Variants in IYD observed in about 807,000 individuals in gnomAD.
IYD encodes the protein iodotyrosine deiodinase, also known as iodotyrosine deiodinase 1.
A neutral mutation model predicts 28.4 loss-of-function variants in IYD; 25 were observed. The ratio of observed to expected loss-of-function variants is 0.88; its 90% CI spans 0.64 to 1.23. The LOEUF (loss-of-function observed/expected upper bound fraction) is 1.23, where lower values mean the gene tolerates loss of function less well. IYD is among the 50% of genes most tolerant of loss of function. IYD has a pLI of 0.00. For synonymous variants in IYD, 140 were observed against 130.8 expected (o/e 1.07, Z -0.48); for missense variants, 352 against 357.9 (o/e 0.98, Z 0.13).
At chr6:150,375,247 G>A (rs1294842047) in intron 1 of IYD, among the ~76,000 whole-genome samples, 1 of 152,318 alleles carries the variant, frequency 6.6e-6, no homozygotes, top group East Asian at 1.9e-4. Context: ...ATTTCCCTGA[G>A]GAGTTTGGAG....
chr6:150,397,578 AACAAAAAAC>A (rs891120967), intron 4 of IYD, among the ~76,000 whole-genome samples: 35 of 126,048 alleles, frequency 2.8e-4, no homozygotes, highest in African/African-American at 9.9e-4. Flanking sequence ...TCAAAAAAAA[AACAAAAAAC>A]AAAACCGAAT....
chr6:150,377,347 G>A (rs554468025), intron 1 of IYD, among the ~76,000 whole-genome samples: 1 of 152,162 alleles, frequency 6.6e-6, no homozygotes, highest in African/African-American at 2.4e-5. Context: ...CACATTCCTC[G>A]GGAGCAGTCA....
intron 1 of IYD, among the ~76,000 whole-genome samples, chr6:150,383,206 A>G (rs977263687): frequency 2.6e-5 from 4 of 152,146 alleles, no homozygotes; most frequent in African/African-American, 9.7e-5. Flanking sequence ...CTGCAAGCAC[A>G]TATCAGGGCT....
At chr6:150,383,689 G>T (rs966177757) in intron 1 of IYD, among the ~76,000 whole-genome samples, 1 of 151,252 alleles carries the variant, frequency 6.6e-6, no homozygotes, top group East Asian at 1.9e-4. Context: ...ATGGTCGGGT[G>T]CAGTGGCTCA....
chr6:150,369,695 T>G lies in IYD; in HGVS notation c.178+486T>G, dbSNP rs138960707. ...CAGTTCAGCTGCCAAGATGATACAC[T>G]AGAATCAGAGAGAGTAACAAAGAGA... On this transcript the variant is annotated intron_variant, in intron 1 of 4. Transcript: ENST00000344419. Among the ~76,000 whole-genome samples, 364 of 152,272 alleles carry G rather than the reference T, an allele frequency of 2.4e-3. 1 individual carries two copies. The highest frequency in any genetic ancestry group is 7.9e-3 in the African/African-American group (330 of 41,546).
At chr6:150,396,717 A>G (rs746786291) in intron 4 of IYD, 3 of 278,308 alleles carry the variant, frequency 1.1e-5, no homozygotes, top group Non-Finnish European at 2.0e-5. Flanking sequence ...TACTAAAAAT[A>G]CAAAAAATGA....
intron 1 of IYD, among the ~76,000 whole-genome samples, chr6:150,373,869 T>C (rs1191320557): frequency 6.6e-6 from 1 of 152,224 alleles, no homozygotes; most frequent in Non-Finnish European, 1.5e-5. Context: ...TTCACATGGC[T>C]AATTTAAGAG....
intron 1 of IYD, among the ~76,000 whole-genome samples, chr6:150,378,250 A>G (rs1329285311): frequency 1.3e-5 from 2 of 150,220 alleles, no homozygotes; most frequent in South Asian, 2.1e-4. Context: ...ACATATGTAT[A>G]CATGTGCCAT....
At chr6:150,380,974 C>T (rs694326) in intron 1 of IYD, among the ~76,000 whole-genome samples, 61,574 of 152,012 alleles carry the variant, frequency 0.41, 13,873 homozygotes, top group Non-Finnish European at 0.52. Flanking sequence ...AATCCAGGGA[C>T]ATGGCAGCAC....
chr6:150,396,711 A>G (rs1309248030), intron 4 of IYD: 44 of 274,786 alleles, frequency 1.6e-4, no homozygotes, highest in Non-Finnish European at 1.3e-4. Flanking sequence ...GGCCTTTACT[A>G]AAAATACAAA....
intron 4 of IYD, among the ~76,000 whole-genome samples, chr6:150,397,639 A>G (rs1313033437): frequency 6.6e-6 from 1 of 151,416 alleles, no homozygotes; most frequent in Non-Finnish European, 1.5e-5. Context: ...TTGGGCTAGG[A>G]CACTGCTTTG....
In IYD at chr6:150,401,078, GTAAAA is replaced by G. The variant is rs1328519717; in HGVS notation, c.*2843_*2847del. ...GAGAGTGTGAGCGAGAACTAACATG[GTAAAA>G]TGTTAGGTGGAGCATATACAGTTCT... On this transcript the variant is annotated 3_prime_UTR_variant, in exon 5 of 5. Coordinates refer to ENST00000344419, the MANE Select transcript of IYD (RefSeq NM_203395.3). 6.6e-6 allele frequency: 1 copy of G among 152,140 alleles called. No individual in the cohort carries two copies. The highest frequency in any genetic ancestry group is 2.4e-5 in the African/African-American group (1 of 41,424). The allele number at this position is 152,140 out of a possible 1,614,324, so 9.4% of individuals were successfully genotyped here. A position where few individuals can be genotyped will look rare whatever the true frequency, so the allele number is the denominator to read the frequency against.
chr6:150,398,312 G>A lies in IYD; in HGVS notation c.*75G>A, dbSNP rs1778403359. ...TGAGCCTCTCGCCTGCTCCTCTTGG[G>A]TCTCTTGGCTGCTCTTTCTCCAGGT... On this transcript the variant is annotated 3_prime_UTR_variant, in exon 5 of 5. Coordinates refer to ENST00000344419, the MANE Select transcript of IYD (RefSeq NM_203395.3). 2.8e-6 allele frequency: 4 copies of A among 1,443,524 alleles called. No individual in the cohort carries two copies. Among genetic ancestry groups the A allele is most frequent in the Non-Finnish European group, 3.9e-6 (4 of 1,029,874 alleles). 89.4% of individuals were successfully genotyped at this position (1,443,524 alleles called of 1,614,324 possible). A position where few individuals can be genotyped will look rare whatever the true frequency, so the allele number is the denominator to read the frequency against.
At chr6:150,395,101 C>T (rs1212921615) in intron 4 of IYD, among the ~76,000 whole-genome samples, 10 of 152,154 alleles carry the variant, frequency 6.6e-5, no homozygotes, top group Admixed American at 1.3e-4. Context: ...GGATTACAGG[C>T]GTAAGCCACC....
rs142051302 is a variant in IYD at position 150,404,270 on chromosome 6, T to C, written c.*6033T>C. ...ATGCAATAATTCAAATCCATAATATTGATACTTTCATGTTAAGTTTAGGAC... is the reference window on the plus strand; with the variant it reads ...ATGCAATAATTCAAATCCATAATATCGATACTTTCATGTTAAGTTTAGGAC... On this transcript the variant is annotated 3_prime_UTR_variant, in exon 5 of 5. Transcript: ENST00000344419. 3.5e-4 allele frequency: 53 copies of C among 152,350 alleles called. No individual in the cohort carries two copies. Among genetic ancestry groups the C allele is most frequent in the African/African-American group, 1.3e-3 (53 of 41,586 alleles). 9.4% of individuals were successfully genotyped at this position (152,350 alleles called of 1,614,324 possible). A position where few individuals can be genotyped will look rare whatever the true frequency, so the allele number is the denominator to read the frequency against.
intron 1 of IYD, among the ~76,000 whole-genome samples, chr6:150,376,756 G>T (rs912909389): frequency 2.0e-5 from 3 of 152,072 alleles, no homozygotes; most frequent in Admixed American, 2.0e-4. Flanking sequence ...CTCTTGAGTA[G>T]CTAGGACTAC....
intron 1 of IYD, among the ~76,000 whole-genome samples, chr6:150,386,285 A>G (rs1777858827): frequency 6.6e-6 from 1 of 152,050 alleles, no homozygotes; most frequent in Non-Finnish European, 1.5e-5. Context: ...TGTTAATGTT[A>G]TTGCATAGAT....
At chr6:150,398,004 C>G (rs1313604962) in intron 4 of IYD, 51 bp from the exon 5 acceptor site, 5 of 1,540,834 alleles carry the variant, frequency 3.2e-6, no homozygotes, top group Non-Finnish European at 3.6e-6. Flanking sequence ...AGAGGGAGAG[C>G]AGTCATTCTG....
At chr6:150,390,871 G>T (rs1323742347) in intron 2 of IYD, among the ~76,000 whole-genome samples, 2 of 152,090 alleles carry the variant, frequency 1.3e-5, no homozygotes, top group Non-Finnish European at 2.9e-5. Context: ...TCAAGGTGTG[G>T]ACTGAGAGTT....
Sources: allele counts gnomAD v4.1 joint callset (sites outside exome capture counted in the v4.1 genomes callset), GRCh38; gene constraint gnomAD v4.1.1; transcripts MANE v1.5; gene names NCBI Gene and HGNC (gene_info 2026-07-23, HGNC 2026-07-21).